Variants in LRRC8C observed in about 807,000 individuals in gnomAD.
The protein encoded by LRRC8C is leucine rich repeat containing 8 VRAC subunit C, also known as volume-regulated anion channel subunit LRRC8C.
LRRC8C carries 20 observed loss-of-function variants against 55.3 expected under a neutral mutation model. The observed-to-expected ratio is 0.36, with a 90% confidence interval of 0.25 to 0.53. The LOEUF (loss-of-function observed/expected upper bound fraction) is 0.53, where lower values mean the gene tolerates loss of function less well. Among genes scored for constraint, LRRC8C ranks in the 20% least tolerant of loss-of-function variants. The probability of loss-of-function intolerance (pLI) is 0.92; values close to 1 mark genes in which losing one functional copy is unlikely to be tolerated. For missense variants in LRRC8C, 659 were observed against 951.4 expected (o/e 0.69, Z 4.04); for synonymous variants, 376 against 360.7 (o/e 1.04, Z -0.48).
chr1:89,665,107 T>A (rs1424265487), intron 1 of LRRC8C, among the ~76,000 whole-genome samples: 1 of 152,244 alleles, frequency 6.6e-6, no homozygotes, highest in Non-Finnish European at 1.5e-5. Context: ...TCTTCCTATT[T>A]GAATATCCTT....
At chr1:89,677,743 T>C (rs914911358) in intron 1 of LRRC8C, among the ~76,000 whole-genome samples, 1 of 152,246 alleles carries the variant, frequency 6.6e-6, no homozygotes, top group African/African-American at 2.4e-5. Flanking sequence ...CCATTTATGC[T>C]TTTCTCATTT....
chr1:89,662,233 C>G (rs572539734), intron 1 of LRRC8C, among the ~76,000 whole-genome samples: 1 of 152,300 alleles, frequency 6.6e-6, no homozygotes, highest in South Asian at 2.1e-4. Context: ...CAAAGCCATC[C>G]TGGGCCACAA....
At chr1:89,639,323 A>G (rs1557645190) in intron 1 of LRRC8C, among the ~76,000 whole-genome samples, 2 of 152,132 alleles carry the variant, frequency 1.3e-5, no homozygotes, top group African/African-American at 4.8e-5. Flanking sequence ...TTCCATAACT[A>G]AGAGATTTCA....
upstream of LRRC8C, among the ~76,000 whole-genome samples, chr1:89,631,367 T>C (rs1320146558): frequency 2.0e-5 from 3 of 152,134 alleles, no homozygotes; most frequent in African/African-American, 7.2e-5. Flanking sequence ...TCCTTGACAC[T>C]GGGTAGCAAG....
intron 1 of LRRC8C, among the ~76,000 whole-genome samples, chr1:89,680,830 G>A (rs980316023): frequency 1.3e-5 from 2 of 151,872 alleles, no homozygotes; most frequent in African/African-American, 4.8e-5. Flanking sequence ...CAAAATGCTG[G>A]GATTACAGGC....
chr1:89,622,150 AAG>A, the LRRC8C span, among the ~76,000 whole-genome samples: 1 of 152,090 alleles, frequency 6.6e-6, no homozygotes, highest in Non-Finnish European at 1.5e-5. Context: ...AGGGCGTGAT[AAG>A]AGTGTGGGCT....
intron 2 of LRRC8C, among the ~76,000 whole-genome samples, chr1:89,708,163 C>G (rs1186911033): frequency 6.6e-6 from 1 of 151,900 alleles, no homozygotes; most frequent in Non-Finnish European, 1.5e-5. Flanking sequence ...CATTCTCAAG[C>G]CTTTTTCCTC....
chr1:89,685,948 A>G (rs1266565965), intron 1 of LRRC8C, among the ~76,000 whole-genome samples: 1 of 152,092 alleles, frequency 6.6e-6, no homozygotes, highest in African/African-American at 2.4e-5. Flanking sequence ...ACGTGGAAAC[A>G]CTGTTTTCCT....
chr1:89,663,781 C>T (rs1657182608), intron 1 of LRRC8C, among the ~76,000 whole-genome samples: 1 of 152,252 alleles, frequency 6.6e-6, no homozygotes, highest in East Asian at 1.9e-4. Flanking sequence ...ACATCCTCTC[C>T]AGCATCTGTT....
rs1658888420 is a variant in LRRC8C at position 89,718,546 on chromosome 1, C to A, written c.*3564C>A. 6.6e-6 allele frequency: 1 copy of A among 152,104 alleles called. No individual in the cohort carries two copies. The highest frequency in any genetic ancestry group is 1.5e-5 in the Non-Finnish European group (1 of 68,006). 9.4% of individuals were successfully genotyped at this position (152,104 alleles called of 1,614,324 possible). A position where few individuals can be genotyped will look rare whatever the true frequency, so the allele number is the denominator to read the frequency against. On this transcript the variant is annotated 3_prime_UTR_variant, in exon 3 of 3. Coordinates refer to ENST00000370454, the MANE Select transcript of LRRC8C (RefSeq NM_032270.5). ...TTTTCTATTATAAGAAAAGTTCATT[C>A]TTTAAGTAGTTTCTTTTACCTCTAA...
chr1:89,686,320 A>T (rs1331797385), intron 1 of LRRC8C, 150 bp from the exon 2 acceptor site: 1 of 713,258 alleles, frequency 1.4e-6, no homozygotes, highest in Non-Finnish European at 2.2e-6. Context: ...TGGTGATTTT[A>T]TTCAGTGGCT....
intron 2 of LRRC8C, among the ~76,000 whole-genome samples, chr1:89,702,088 C>T (rs1658347626): frequency 6.6e-6 from 1 of 151,980 alleles, no homozygotes; most frequent in Admixed American, 6.6e-5. Context: ...AGGTGCCTGC[C>T]GACCAGAAAC....
At position 89,714,714 on chromosome 1, in the gene LRRC8C, G is replaced by A. The variant is rs1658761531; in HGVS notation, c.2144G>A (p.Cys715Tyr). 1.9e-5 allele frequency: 30 copies of A among 1,614,132 alleles called. No individual in the cohort carries two copies. The highest frequency in any genetic ancestry group is 2.5e-5 in the Non-Finnish European group (30 of 1,180,002). Residue 715 changes from cysteine to tyrosine, a missense_variant, in exon 3 of 3, where the codon TGT (cysteine) becomes TAT (tyrosine). Transcript: ENST00000370454. The surrounding 1 kb of genome is among the most constrained non-coding windows in gnomAD (Gnocchi z 4.6). Reference protein sequence around the residue: ...LQSLQYFSITCNKVESLPDEL... With the variant: ...LQSLQYFSITYNKVESLPDEL... ...AGTTTACAGTATTTTTCCATCACATGTAACAAAGTGGAAAGCCTTCCAGAT... is the reference window on the plus strand; with the variant it reads ...AGTTTACAGTATTTTTCCATCACATATAACAAAGTGGAAAGCCTTCCAGAT...
chr1:89,629,376 G>A (rs1656049435), upstream of LRRC8C, among the ~76,000 whole-genome samples: 1 of 152,174 alleles, frequency 6.6e-6, no homozygotes, highest in African/African-American at 2.4e-5. Context: ...GGTGGTTTTG[G>A]TTTAGAATGT....
At chr1:89,628,709 AGG>A (rs1656035746), upstream of LRRC8C, among the ~76,000 whole-genome samples, 1 of 152,230 alleles carries the variant, frequency 6.6e-6, no homozygotes, top group Non-Finnish European at 1.5e-5. Context: ...CCTTCCTCCC[AGG>A]TATGGGGTAG....
At chr1:89,710,813 A>G (rs1378720796) in intron 2 of LRRC8C, among the ~76,000 whole-genome samples, 1 of 152,194 alleles carries the variant, frequency 6.6e-6, no homozygotes, top group Non-Finnish European at 1.5e-5. Flanking sequence ...ATTTGTTAAG[A>G]TAAAGTCAAA....
chr1:89,696,357 G>C (rs192568940), intron 2 of LRRC8C, among the ~76,000 whole-genome samples: 36 of 152,254 alleles, frequency 2.4e-4, no homozygotes, highest in Admixed American at 2.1e-3. Flanking sequence ...CAAAAAAAGT[G>C]GGGGTGTGGT....
chr1:89,620,027 TA>T, the LRRC8C span, among the ~76,000 whole-genome samples: 1 of 152,196 alleles, frequency 6.6e-6, no homozygotes, highest in Admixed American at 6.5e-5. Context: ...CTGAATAATT[TA>T]TAAACATTTA....
rs543759277 is a variant in LRRC8C at position 89,648,803 on chromosome 1, C to T, written c.-5+15481C>T. ...TCTATTTTTGTCACAATAGATTTGC[C>T]TATTCTGGACAGCTCATGTAAGTGG... On this transcript the variant is annotated intron_variant, in intron 1 of 2. Coordinates refer to ENST00000370454, the MANE Select transcript of LRRC8C (RefSeq NM_032270.5). 3.4e-4 allele frequency among the ~76,000 whole-genome samples: 52 copies of T among 152,266 alleles called. No individual in the cohort carries two copies. The East Asian group carries it at 8.7e-3, about 25-fold the overall frequency.
Sources: allele counts gnomAD v4.1 joint callset (sites outside exome capture counted in the v4.1 genomes callset), GRCh38; gene constraint gnomAD v4.1.1; non-coding constraint Gnocchi (gnomAD v3.1); transcripts MANE v1.5; gene names NCBI Gene and HGNC (gene_info 2026-07-23, HGNC 2026-07-21).